The following PDE11A variants were observed in gnomAD, a reference collection of about 807,000 sequenced individuals.
The protein encoded by PDE11A is phosphodiesterase 11A, also known as dual 3',5'-cyclic-AMP and -GMP phosphodiesterase 11A.
Under a neutral mutation model 100.5 loss-of-function variants are expected in PDE11A, and 100 were observed. The observed-to-expected ratio is 1.00, with a 90% CI of 0.85 to 1.18. The LOEUF is 1.18. Among genes scored for constraint, PDE11A ranks in the 50% most tolerant of loss-of-function variants. The pLI is 0.00. For synonymous variants in PDE11A, 381 were observed against 420.8 expected (o/e 0.91, Z 1.16); for missense variants, 1,141 against 1,152.6 (o/e 0.99, Z 0.15).
At chr2:177,878,937 A>G (rs1307136628) in intron 4 of PDE11A, among the ~76,000 whole-genome samples, 3 of 152,226 alleles carry the variant, frequency 2.0e-5, no homozygotes, top group Admixed American at 6.5e-5. Context: ...CTTGAAGTAA[A>G]ACACTTGGCT....
At chr2:177,728,601 T>C (rs2081637788) in intron 10 of PDE11A, among the ~76,000 whole-genome samples, 1 of 152,200 alleles carries the variant, frequency 6.6e-6, no homozygotes, top group African/African-American at 2.4e-5. Context: ...CCACTTTGCC[T>C]TGTTTCTTAT....
At chr2:177,963,013 GTAAA>G (rs2085654880) in intron 2 of PDE11A, among the ~76,000 whole-genome samples, 1 of 152,126 alleles carries the variant, frequency 6.6e-6, no homozygotes, top group Non-Finnish European at 1.5e-5. Context: ...TTAAGACAAA[GTAAA>G]TAGAGAAACT....
In PDE11A at chr2:177,627,951, A is replaced by G. The variant is rs1478625245; in HGVS notation, c.*1456T>C. On this transcript the variant is annotated 3_prime_UTR_variant, in exon 20 of 20. Coordinates refer to ENST00000286063, the MANE Select transcript of PDE11A (RefSeq NM_016953.4). ...ATGGCTCTCAGGTTTAATCTAGGCC[A>G]GGGATTTTCAAACTCTTCAGAGTCC... The G allele has an allele frequency of 6.6e-6, 1 of 152,248 alleles. No individual in the cohort carries two copies. The highest frequency in any genetic ancestry group is 1.9e-4 in the East Asian group (1 of 5,194). 9.4% of individuals were successfully genotyped at this position (152,248 alleles called of 1,614,324 possible). A position where few individuals can be genotyped will look rare whatever the true frequency, so the allele number is the denominator to read the frequency against.
At chr2:177,793,319 A>G (rs1393976412) in intron 9 of PDE11A, among the ~76,000 whole-genome samples, 1 of 151,892 alleles carries the variant, frequency 6.6e-6, no homozygotes, top group Non-Finnish European at 1.5e-5. Flanking sequence ...AGTGACCACC[A>G]CTCTGACTTT....
intron 1 of PDE11A, among the ~76,000 whole-genome samples, chr2:178,067,284 T>G (rs2087059429): frequency 6.6e-6 from 1 of 152,200 alleles, no homozygotes; most frequent in South Asian, 2.1e-4. Context: ...AAAACACCAC[T>G]TTGATCATGC....
intron 2 of PDE11A, among the ~76,000 whole-genome samples, chr2:177,923,191 A>T (rs943044583): frequency 2.0e-5 from 3 of 151,588 alleles, no homozygotes; most frequent in Admixed American, 6.6e-5. Context: ...TAATTTTTTT[A>T]AAAAATACAG....
intron 19 of PDE11A, among the ~76,000 whole-genome samples, chr2:177,652,715 C>T (rs189749826): frequency 3.9e-5 from 6 of 152,260 alleles, no homozygotes; most frequent in African/African-American, 1.2e-4. Flanking sequence ...GGAGAAAAAT[C>T]ATGATGGCAC....
At chr2:177,767,909 A>C (rs1018041620) in intron 10 of PDE11A, among the ~76,000 whole-genome samples, 3 of 152,172 alleles carry the variant, frequency 2.0e-5, no homozygotes, top group African/African-American at 7.2e-5. Context: ...GCTGGTATGC[A>C]GGATGTTTTC....
intron 1 of PDE11A, among the ~76,000 whole-genome samples, chr2:178,016,131 A>ATTTT (rs55638601): frequency 0.16 from 13,417 of 83,398 alleles, 1,271 homozygotes; most frequent in Non-Finnish European, 0.17. Context: ...TGCCTGGCTA[A>ATTTT]TTTTTTTTTT....
At chr2:178,020,919 G>C (rs950918689) in intron 1 of PDE11A, among the ~76,000 whole-genome samples, 14 of 139,610 alleles carry the variant, frequency 1.0e-4, no homozygotes, top group African/African-American at 3.7e-4. Context: ...TTGTTTTTTT[G>C]TCTTGGTGTG....
intron 12 of PDE11A, among the ~76,000 whole-genome samples, chr2:177,718,466 A>G (rs916365126): frequency 1.1e-4 from 16 of 152,306 alleles, no homozygotes; most frequent in Admixed American, 3.3e-4. Flanking sequence ...TTATTTCACG[A>G]AGGACGTTAT....
intron 5 of PDE11A, among the ~76,000 whole-genome samples, chr2:177,857,217 T>C (rs1481119700): frequency 1.3e-5 from 2 of 151,938 alleles, no homozygotes; most frequent in East Asian, 3.9e-4. Flanking sequence ...ACTTCAAAAA[T>C]GAAAAATTAA....
At chr2:177,874,119 C>T (rs779590661) in intron 5 of PDE11A, among the ~76,000 whole-genome samples, 7 of 152,026 alleles carry the variant, frequency 4.6e-5, no homozygotes, top group Non-Finnish European at 1.0e-4. Context: ...TTTTAAATGA[C>T]GTGTGGTTAT....
intron 2 of PDE11A, among the ~76,000 whole-genome samples, chr2:177,959,853 A>C (rs986397974): frequency 3.3e-5 from 5 of 152,196 alleles, no homozygotes; most frequent in African/African-American, 1.2e-4. Flanking sequence ...ATTTTACTCC[A>C]ATTGTAATGC....
intron 5 of PDE11A, 111 bp downstream of exon 5, chr2:177,875,748 G>C (rs1340989744): frequency 6.6e-6 from 5 of 761,506 alleles, no homozygotes; most frequent in Non-Finnish European, 1.2e-5. Context: ...CACGATATTT[G>C]GTTGTGCTTG....
At position 177,675,454 on chromosome 2, in the gene PDE11A, C is replaced by G; in HGVS notation, c.2487+1G>C. On this transcript the variant is annotated splice_donor_variant, in intron 17 of 19. Coordinates refer to ENST00000286063, the MANE Select transcript of PDE11A (RefSeq NM_016953.4). LOFTEE classifies it high-confidence loss of function. ...GAGCCCTGCCATTAATCACCACTTGCCTGTCTGGAGATCTCCCACGGTTTG... is the reference window on the plus strand; with the variant it reads ...GAGCCCTGCCATTAATCACCACTTGGCTGTCTGGAGATCTCCCACGGTTTG... 6.2e-7 allele frequency: 1 copy of G among 1,610,204 alleles called. No homozygotes were observed.
chr2:177,786,535 G>A (rs1196110705), intron 9 of PDE11A, among the ~76,000 whole-genome samples: 7 of 152,128 alleles, frequency 4.6e-5, no homozygotes, highest in Non-Finnish European at 7.3e-5. Flanking sequence ...AAAGCTGGAC[G>A]GAGAATGACT....
In PDE11A at chr2:177,629,531, G is replaced by T. The variant is rs200504859; in HGVS notation, c.2678C>A (p.Pro893Gln). Reference sequence around the variant, plus strand: ...GTTTGTAGCTACTGAATCTAGCATCGGCTTCAGTTTCACGTTGACCTTCAC... The same window carrying T: ...GTTTGTAGCTACTGAATCTAGCATCTGCTTCAGTTTCACGTTGACCTTCAC... Reference protein sequence around the residue: ...ALVKVNVKLKPMLDSVATNRS... With the variant: ...ALVKVNVKLKQMLDSVATNRS... The change falls in exon 20 of 20, where the codon CCG becomes CAG. Residue 893 changes from proline to glutamine, a missense_variant. Physicochemically the swap from Pro to Gln is moderately conservative, Grantham distance 76. Transcript: ENST00000286063. 7 of 1,613,708 alleles carry T rather than the reference G, an allele frequency of 4.3e-6. No individual in the cohort carries two copies. The highest frequency in any genetic ancestry group is 5.9e-6 in the Non-Finnish European group (7 of 1,179,822).
chr2:177,922,801 C>T, intron 2 of PDE11A: 1 of 985,062 alleles, frequency 1.0e-6, no homozygotes, highest in Non-Finnish European at 1.2e-6. Flanking sequence ...CTTTTCTTGA[C>T]TCATCTTCCA....
Sources: allele counts gnomAD v4.1 joint callset (sites outside exome capture counted in the v4.1 genomes callset), GRCh38; gene constraint gnomAD v4.1.1; transcripts MANE v1.5; gene names NCBI Gene and HGNC (gene_info 2026-07-23, HGNC 2026-07-21).